The following ZKSCAN8 variants were observed in gnomAD, a reference collection of about 807,000 sequenced individuals.
The protein encoded by ZKSCAN8 is zinc finger protein with KRAB and SCAN domains 8.
Under a neutral mutation model 57.2 loss-of-function variants are expected in ZKSCAN8, and 27 were observed. The observed-to-expected ratio is 0.47, with a 90% confidence interval of 0.35 to 0.65. The LOEUF (loss-of-function observed/expected upper bound fraction) is 0.65. ZKSCAN8 is among the 30% of genes least tolerant of loss of function. The probability of loss-of-function intolerance (pLI) is 0.01; values close to 1 mark genes in which losing one functional copy is unlikely to be tolerated. For synonymous variants in ZKSCAN8, 214 were observed against 248.7 expected, an observed-to-expected ratio of 0.86 and a Z score of 1.31; for missense variants, 597 against 696.3, an observed-to-expected ratio of 0.86 and a Z score of 1.60.
In ZKSCAN8 at chr6:28,153,829, C is replaced by T; in HGVS notation, c.1549C>T (p.Pro517Ser). 1 of 1,614,030 alleles carries T rather than the reference C, an allele frequency of 6.2e-7. No homozygotes were observed. Among genetic ancestry groups the T allele is most frequent in the Non-Finnish European group, 8.5e-7 (1 of 1,179,978 alleles). Residue 517 changes from proline to serine, a missense_variant, in exon 6 of 6, where the codon CCC (proline) becomes TCC (serine). Coordinates refer to ENST00000330236, the MANE Select transcript of ZKSCAN8 (RefSeq NM_006298.4). ...EHQRIHTGER[P>S]YKCKECGKAF... is the part of the protein sequence containing the mutation. ...TCAGAGAATCCACACTGGAGAAAGA[C>T]CCTATAAATGTAAAGAATGTGGGAA...
chr6:28,149,644 T>C lies in ZKSCAN8; in HGVS notation c.559+20T>C. On this transcript the variant is annotated intron_variant, in intron 3 of 5. Coordinates refer to ENST00000330236, the MANE Select transcript of ZKSCAN8 (RefSeq NM_006298.4). ...AGAGAGGTGAGTAGCCAGATTTCATTGATGATAAGGGGGGGAAGTACAAAT... is the reference window on the plus strand; with the variant it reads ...AGAGAGGTGAGTAGCCAGATTTCATCGATGATAAGGGGGGGAAGTACAAAT... 1 of 1,613,068 alleles carries C rather than the reference T, an allele frequency of 6.2e-7. No homozygotes were observed. Among genetic ancestry groups the C allele is most frequent in the Non-Finnish European group, 8.5e-7 (1 of 1,179,564 alleles).
At position 28,142,036 on chromosome 6, in the gene ZKSCAN8, A is replaced by G. The variant is rs1765231117; in HGVS notation, c.-93+7A>G. 6.6e-6 allele frequency: 1 copy of G among 152,474 alleles called. No homozygotes were observed. The highest frequency in any genetic ancestry group is 6.5e-5 in the Admixed American group (1 of 15,284). 9.4% of individuals were successfully genotyped at this position (152,474 alleles called of 1,614,324 possible). ...GGCGCCTCTGCAACTCACAGTGAGTACGGTCGGGCTCTGGGCCGGAGGAAA... is the reference window on the plus strand; with the variant it reads ...GGCGCCTCTGCAACTCACAGTGAGTGCGGTCGGGCTCTGGGCCGGAGGAAA... On this transcript the variant is annotated splice_region_variant and intron_variant, in intron 1 of 5. Coordinates refer to ENST00000330236, the MANE Select transcript of ZKSCAN8 (RefSeq NM_006298.4).
rs1417627043 is a variant in ZKSCAN8, at chr6:28,156,019, G to A, written c.*2002G>A. On this transcript the variant is annotated 3_prime_UTR_variant, in exon 6 of 6. Transcript: ENST00000330236. ...TAAGAAACCAGAAACAAGTAAATCT[G>A]GTTGTATCTAGATCTTTGCTCTGTG... is the stretch of plus-strand genomic sequence containing the variant. 2.5e-6 allele frequency: 1 copy of A among 396,878 alleles called. No homozygotes were observed. The highest frequency in any genetic ancestry group is 4.4e-5 in the Admixed American group (1 of 22,686). The allele number at this position is 396,878 out of a possible 1,614,324, so 24.6% of individuals were successfully genotyped here.
intron 2 of ZKSCAN8, 143 bp from the exon 3 acceptor site, chr6:28,149,340 C>T (rs1158589643): frequency 3.6e-6 from 4 of 1,111,084 alleles, no homozygotes; most frequent in East Asian, 2.5e-5. Flanking sequence ...ATTCGTGTTC[C>T]TTACTGTCCC....
chr6:28,152,147 A>G, intron 4 of ZKSCAN8, 114 bp from the exon 5 acceptor site: 10 of 1,485,674 alleles, frequency 6.7e-6, no homozygotes, highest in Non-Finnish European at 8.2e-6. Flanking sequence ...ATCCCTTTAC[A>G]TAGTACATTC....
intron 3 of ZKSCAN8, 103 bp from the exon 4 acceptor site, chr6:28,151,742 C>A (rs1765596693): frequency 1.1e-6 from 1 of 934,672 alleles, no homozygotes; most frequent in Non-Finnish European, 1.7e-6. Flanking sequence ...CTTTGGCATA[C>A]ATGTATATCT....
chr6:28,151,799 C>A, intron 3 of ZKSCAN8, 46 bp from the exon 4 acceptor site: 1 of 1,515,176 alleles, frequency 6.6e-7, no homozygotes. Context: ...GCTCCCACAA[C>A]CACAGGACAG....
intron 1 of ZKSCAN8, among the ~76,000 whole-genome samples, chr6:28,147,813 TAGGATA>T (rs146516680): frequency 0.037 from 5,556 of 152,166 alleles, 142 homozygotes; most frequent in Non-Finnish European, 0.056. Context: ...GGGGCACAGG[TAGGATA>T]AGGAATGTTA....
In ZKSCAN8 at chr6:28,154,061, A is replaced by G. The variant is rs1765701047; in HGVS notation, c.*44A>G. The G allele has an allele frequency of 6.5e-7, 1 of 1,529,668 alleles. No homozygotes were observed. The highest frequency in any genetic ancestry group is 2.1e-5 in the Admixed American group (1 of 47,980). 94.8% of individuals were successfully genotyped at this position (1,529,668 alleles called of 1,614,324 possible). On this transcript the variant is annotated 3_prime_UTR_variant, in exon 6 of 6. Coordinates refer to ENST00000330236, the MANE Select transcript of ZKSCAN8 (RefSeq NM_006298.4). ...TTTGAGCATTATTCAGCATTAGGGA[A>G]ACCACACACTGGTGAGAGGTCTTTC...
rs1008345877 is a variant in ZKSCAN8 at position 28,154,227 on chromosome 6, A to G, written c.*210A>G. On this transcript the variant is annotated 3_prime_UTR_variant, in exon 6 of 6. Coordinates refer to ENST00000330236, the MANE Select transcript of ZKSCAN8 (RefSeq NM_006298.4). ...GCTTGACTGTCTTTGAAAGTATCTGATGGAGCTCCTGATGACCTAATGTAT... is the reference window on the plus strand; with the variant it reads ...GCTTGACTGTCTTTGAAAGTATCTGGTGGAGCTCCTGATGACCTAATGTAT... 1 of 595,322 alleles carries G rather than the reference A, an allele frequency of 1.7e-6. No individual in the cohort carries two copies. The highest frequency in any genetic ancestry group is 1.9e-5 in the African/African-American group (1 of 53,216). 36.9% of individuals were successfully genotyped at this position (595,322 alleles called of 1,614,324 possible).
chr6:28,151,864 T>C lies in ZKSCAN8; in HGVS notation c.579T>C (p.Ser193=). 6.2e-7 allele frequency: 1 copy of C among 1,614,084 alleles called. No individual in the cohort carries two copies. The highest frequency in any genetic ancestry group is 8.5e-7 in the Non-Finnish European group (1 of 1,179,984). ...TCTCAGCCATGTCTACTTCCCAGAG[T>C]CCTACTCGTTCCCAGAAAGGAAGTT... ...SQERAMSTSQ[S]PTRSQKGSSG... Residue 193 remains serine (S), a synonymous_variant, in exon 4 of 6, where the codon AGT becomes AGC. Coordinates refer to ENST00000330236, the MANE Select transcript of ZKSCAN8 (RefSeq NM_006298.4).
At position 28,144,122 on chromosome 6, in the gene ZKSCAN8, C is replaced by G. The variant is rs1177159164; in HGVS notation, c.-93+2093C>G. Among the ~76,000 whole-genome samples the G allele has an allele frequency of 6.6e-6, 1 of 152,156 alleles. No individual in the cohort carries two copies. Among genetic ancestry groups the G allele is most frequent in the Non-Finnish European group, 1.5e-5 (1 of 68,030 alleles). ...GTAGTTTACTCTCCACCCTGTTGTT[C>G]CCGGCCTTGTCTAACTTGAAAAATA... On this transcript the variant is annotated intron_variant, in intron 1 of 5. Coordinates refer to ENST00000330236, the MANE Select transcript of ZKSCAN8 (RefSeq NM_006298.4). The surrounding 1 kb of genome is among the most constrained non-coding windows in gnomAD (Gnocchi z 4.5).
At position 28,156,838 on chromosome 6, in the gene ZKSCAN8, T is replaced by G; in HGVS notation, c.*2821T>G. 1 of 152,130 alleles carries G rather than the reference T, an allele frequency of 6.6e-6. No homozygotes were observed. Among genetic ancestry groups the G allele is most frequent in the East Asian group, 1.9e-4 (1 of 5,196 alleles). 9.4% of individuals were successfully genotyped at this position (152,130 alleles called of 1,614,324 possible). On this transcript the variant is annotated 3_prime_UTR_variant, in exon 6 of 6. Transcript: ENST00000330236. ...ATCCAACATAGCCCTGGGAGAGGCA[T>G]GTTAGGTTTCAGAGATTTTCTCCAT...
Position 28,158,141 on chromosome 6 carries a change from G to C in ZKSCAN8, c.*4124G>C, listed in dbSNP as rs1765846893. The C allele has an allele frequency of 6.6e-6, 1 of 151,350 alleles. No homozygotes were observed. The highest frequency in any genetic ancestry group is 6.6e-5 in the Admixed American group (1 of 15,204). The allele number at this position is 151,350 out of a possible 1,614,324, so 9.4% of individuals were successfully genotyped here. ...TTTATTATTATTTCTTGTCTTTTTTGATCTAATTTATATTTTATATTGTTG... is the reference window on the plus strand; with the variant it reads ...TTTATTATTATTTCTTGTCTTTTTTCATCTAATTTATATTTTATATTGTTG... On this transcript the variant is annotated 3_prime_UTR_variant, in exon 6 of 6. Transcript: ENST00000330236.
Position 28,158,010 on chromosome 6 carries a change from C to T in ZKSCAN8, c.*3993C>T, listed in dbSNP as rs1479297536. 4 of 152,260 alleles carry T rather than the reference C, an allele frequency of 2.6e-5. No homozygotes were observed. Among genetic ancestry groups the T allele is most frequent in the South Asian group, 2.1e-4 (1 of 4,818 alleles). The allele number at this position is 152,260 out of a possible 1,614,324, so 9.4% of individuals were successfully genotyped here. The stretch of plus-strand genomic sequence containing the variant: ...AACATATCTTTGATTTTTCAACCCC[C>T]CTTTTTCATTAATCTGTTCTTAAAA... On this transcript the variant is annotated 3_prime_UTR_variant, in exon 6 of 6. Transcript: ENST00000330236.
chr6:28,153,856 G>A lies in ZKSCAN8; in HGVS notation c.1576G>A (p.Ala526Thr). Residue 526 changes from alanine (A) to threonine (T), a missense_variant, in exon 6 of 6, where the codon GCT (alanine) becomes ACT (threonine). Physicochemically the swap from Ala to Thr is moderately conservative, Grantham distance 58 (BLOSUM62 0). Coordinates refer to ENST00000330236, the MANE Select transcript of ZKSCAN8 (RefSeq NM_006298.4). ...CTATAAATGTAAAGAATGTGGGAAAGCTTTCAATGGGAACACTGGTCTCAT... is the reference window on the plus strand; with the variant it reads ...CTATAAATGTAAAGAATGTGGGAAAACTTTCAATGGGAACACTGGTCTCAT... ...RPYKCKECGK[A>T]FNGNTGLIQH... The A allele has an allele frequency of 6.2e-7, 1 of 1,614,094 alleles. No individual in the cohort carries two copies. The highest frequency in any genetic ancestry group is 8.5e-7 in the Non-Finnish European group (1 of 1,179,996).
chr6:28,148,765 G>C lies in ZKSCAN8; in HGVS notation c.358G>C (p.Glu120Gln), dbSNP rs764314524. 1.2e-6 allele frequency: 2 copies of C among 1,614,188 alleles called. No individual in the cohort carries two copies. Among genetic ancestry groups the C allele is most frequent in the East Asian group, 4.5e-5 (2 of 44,874 alleles). The change falls in exon 2 of 6, where the codon GAG becomes CAG. Residue 120 changes from glutamate to glutamine, a missense_variant. Transcript: ENST00000330236. Reference sequence around the variant, plus strand: ...TAAGGAACATCAGCTAGAGAACGGAGAGGAGGTGGTGACCCTATTAGAGGA... The same window carrying C: ...TAAGGAACATCAGCTAGAGAACGGACAGGAGGTGGTGACCCTATTAGAGGA... ...LVKEHQLENGEEVVTLLEDLE... is the reference protein window; with the variant it reads ...LVKEHQLENGQEVVTLLEDLE...
intron 1 of ZKSCAN8, among the ~76,000 whole-genome samples, chr6:28,147,246 TTAAA>T (rs1204941017): frequency 2.6e-5 from 4 of 151,616 alleles, no homozygotes; most frequent in Non-Finnish European, 4.4e-5. Context: ...TATATAGATG[TTAAA>T]TAAGCACATA....
Position 28,151,551 on chromosome 6 carries a change from CAG to C in ZKSCAN8, c.560-292_560-291del, listed in dbSNP as rs113874249. 1.4e-3 allele frequency among the ~76,000 whole-genome samples: 206 copies of C among 152,284 alleles called. 7 individuals carry two copies. The South Asian group carries it at 0.034, about 25-fold the overall frequency. Reference sequence around the variant, plus strand: ...GAAATACTGTATACAGCCACAAAGACAGAAGTAGTTTTGATGGTAGAGAAGAA... The same window carrying C: ...GAAATACTGTATACAGCCACAAAGACAAGTAGTTTTGATGGTAGAGAAGAA... On this transcript the variant is annotated intron_variant, in intron 3 of 5. Coordinates refer to ENST00000330236, the MANE Select transcript of ZKSCAN8 (RefSeq NM_006298.4).
Sources: gnomAD v4.1 joint callset for allele counts (sites outside exome capture counted in the v4.1 genomes callset) on GRCh38, gnomAD v4.1.1 for gene constraint, Gnocchi (gnomAD v3.1) non-coding constraint, MANE v1.5 for transcripts, NCBI Gene and HGNC (gene_info 2026-07-23, HGNC 2026-07-21) for gene names.